Variants in DCLRE1C observed in about 807,000 individuals in gnomAD.
DCLRE1C encodes DNA cross-link repair 1C, also known as protein artemis.
Under a neutral mutation model 61.4 loss-of-function variants are expected in DCLRE1C, and 47 were observed. That is an observed-to-expected ratio of 0.77 (90% CI 0.61 to 0.98). The LOEUF (loss-of-function observed/expected upper bound fraction) is 0.98, where lower values mean the gene tolerates loss of function less well. Among genes scored for constraint, DCLRE1C ranks in the 50% least tolerant of loss-of-function variants. DCLRE1C has a pLI of 0.00. For missense variants in DCLRE1C, 858 were observed against 816.0 expected, an observed-to-expected ratio of 1.05 and a Z score of -0.63; for synonymous variants, 337 against 287.6, an observed-to-expected ratio of 1.17 and a Z score of -1.74.
intron 8 of DCLRE1C, 131 bp from the exon 9 acceptor site, chr10:14,933,086 G>C (rs1482333325): frequency 6.7e-6 from 7 of 1,043,018 alleles, no homozygotes; most frequent in Non-Finnish European, 1.0e-5. Flanking sequence ...AGTAGTTTTT[G>C]GCTATTCAGT....
In DCLRE1C at chr10:14,926,903, G is replaced by A. The variant is rs775978479; in HGVS notation, c.918-6C>T. The A allele has an allele frequency of 6.2e-7, 1 of 1,612,718 alleles. No individual in the cohort carries two copies. Among genetic ancestry groups the A allele is most frequent in the South Asian group, 1.1e-5 (1 of 91,026 alleles). On this transcript the variant is annotated splice_region_variant and splice_polypyrimidine_tract_variant and intron_variant, in intron 10 of 13. Transcript: ENST00000378278. ...TGTATGAACTCTCTCCAGTCCTAAA[G>A]GGAAGTGAAAACACAAAATAAAAAG...
At chr10:14,931,948 C>T (rs868725339) in intron 9 of DCLRE1C, among the ~76,000 whole-genome samples, 1 of 151,978 alleles carries the variant, frequency 6.6e-6, no homozygotes, top group Non-Finnish European at 1.5e-5. Flanking sequence ...GCAGGAGAAT[C>T]GCTTGAACTC....
In DCLRE1C at chr10:14,908,531, T is replaced by C. The variant is rs1834693289; in HGVS notation, c.1956A>G (p.Glu652=). The change falls in exon 14 of 14, where the codon GAA becomes GAG. Residue 652 remains glutamate, a synonymous_variant. Transcript: ENST00000378278. ...ACTCAGCTTCTGGAGTTGAGGGAAC[T>C]TCAAAATCAGAAGAGCTCTGGGAAT... ...NADSQSSSDF[E]VPSTPEAELP... 3 of 1,614,052 alleles carry C rather than the reference T, an allele frequency of 1.9e-6. No homozygotes were observed. The highest frequency in any genetic ancestry group is 1.3e-5 in the African/African-American group (1 of 74,924).
intron 9 of DCLRE1C, among the ~76,000 whole-genome samples, chr10:14,930,240 T>C (rs1310380349): frequency 6.7e-6 from 1 of 150,150 alleles, no homozygotes; most frequent in Non-Finnish European, 1.5e-5. Flanking sequence ...GCTTCGTAAG[T>C]ATCTGGGACT....
intron 11 of DCLRE1C, chr10:14,923,394 A>G (rs983645776): frequency 3.3e-6 from 1 of 301,314 alleles, no homozygotes; most frequent in African/African-American, 2.2e-5. Flanking sequence ...CTTTTTTAAT[A>G]TATTGCTTTC....
chr10:14,936,499 C>T, intron 5 of DCLRE1C, 39 bp downstream of exon 5: 1 of 1,514,080 alleles, frequency 6.6e-7, no homozygotes, highest in South Asian at 1.1e-5. Flanking sequence ...CAATATGTGT[C>T]TACATATAAT....
chr10:14,938,899 C>G (rs1840414596), intron 4 of DCLRE1C, among the ~76,000 whole-genome samples: 1 of 152,132 alleles, frequency 6.6e-6, no homozygotes, highest in South Asian at 2.1e-4. Flanking sequence ...AAGCCATGCC[C>G]AATCCTTTAC....
Position 14,908,979 on chromosome 10 carries a change from C to G in DCLRE1C, c.1508G>C (p.Ser503Thr). ...FKRNDEITDE[S>T]LENFPSSTVA... ...TGTGGAGGAAGGGAAGTTTTCCAAA[C>G]TCTCATCTGTGATTTCATCATTTCT... Residue 503 changes from serine (S) to threonine (T), a missense_variant, in exon 14 of 14, where the codon AGT becomes ACT. This residue lies in a region of DCLRE1C where 843 missense variants were observed against 783.5 expected (regional missense o/e 1.08). Transcript: ENST00000378278. The G allele has an allele frequency of 6.2e-7, 1 of 1,614,116 alleles. No homozygotes were observed.
intron 3 of DCLRE1C, among the ~76,000 whole-genome samples, chr10:14,941,376 C>T (rs12248235): frequency 0.03 from 4,553 of 152,132 alleles, 136 homozygotes; most frequent in African/African-American, 0.098. Flanking sequence ...CCTCAAACTT[C>T]GGGGCTCAAG....
Position 14,898,966 on chromosome 10 carries a change from T to C in DCLRE1C, c.*198A>G, listed in dbSNP as rs112297658. 3.1e-3 allele frequency: 1,466 copies of C among 466,286 alleles called. 22 individuals carry two copies. The highest frequency in any genetic ancestry group is 0.026 in the African/African-American group (1,320 of 51,604). 28.9% of individuals were successfully genotyped at this position (466,286 alleles called of 1,614,324 possible). A position where few individuals can be genotyped will look rare whatever the true frequency, so the allele number is the denominator to read the frequency against. ...TGTCCTGTAGAGAGCTATAGTTGTATAGCTTTTTGAACATCCTAATTATAA... is the reference window on the plus strand; with the variant it reads ...TGTCCTGTAGAGAGCTATAGTTGTACAGCTTTTTGAACATCCTAATTATAA... On this transcript the variant is annotated 3_prime_UTR_variant, in exon 14 of 14. Transcript: ENST00000378289.
intron 12 of DCLRE1C, chr10:14,920,359 T>C (rs890674554): frequency 1.9e-6 from 2 of 1,039,176 alleles, no homozygotes; most frequent in Non-Finnish European, 2.3e-6. Flanking sequence ...GGCAGAGAAA[T>C]AAGATTTGAA....
chr10:14,935,517 A>C lies in DCLRE1C; in HGVS notation c.410T>G (p.Phe137Cys). 1 of 1,614,128 alleles carries C rather than the reference A, an allele frequency of 6.2e-7. No homozygotes were observed. Among genetic ancestry groups the C allele is most frequent in the Non-Finnish European group, 8.5e-7 (1 of 1,179,996 alleles). Residue 137 changes from phenylalanine (F) to cysteine (C), a missense_variant, in exon 6 of 14, where the codon TTC becomes TGC. Physicochemically the swap from Phe to Cys is radical, Grantham distance 205. Around this residue, in one of 2 missense-constraint regions of DCLRE1C, gnomAD observed 843 missense variants for 783.5 expected, o/e 1.08. Coordinates refer to ENST00000378278, the MANE Select transcript of DCLRE1C (RefSeq NM_001033855.3). ...AGCAGCTTCTCCTTGCGCCAATCTG[A>C]AGTCTCCTGTGTACAGGACAGTTCC... is the stretch of plus-strand genomic sequence containing the variant. Reference protein sequence around the residue: ...NNGTVLYTGDFRLAQGEAARM... With the variant: ...NNGTVLYTGDCRLAQGEAARM...
In DCLRE1C at chr10:14,906,875, GTTTT is replaced by G. The variant is rs769010071; in HGVS notation, c.*1529_*1532del. ...CTCACAGAATAACACATATACTTTA[GTTTT>G]TTTTAATTTATTTTTCTTGAGATGG... On this transcript the variant is annotated 3_prime_UTR_variant, in exon 14 of 14. Transcript: ENST00000378278. 2.0e-5 allele frequency among the ~76,000 whole-genome samples: 3 copies of G among 152,088 alleles called. No homozygotes were observed. Among genetic ancestry groups the G allele is most frequent in the African/African-American group, 4.8e-5 (2 of 41,500 alleles).
chr10:14,943,251 C>T (rs1432317129), intron 3 of DCLRE1C, among the ~76,000 whole-genome samples: 2 of 152,166 alleles, frequency 1.3e-5, no homozygotes, highest in Non-Finnish European at 2.9e-5. Context: ...TTGTGGTTCT[C>T]CTCAGATCAA....
upstream of DCLRE1C, chr10:14,954,152 C>G: frequency 6.9e-7 from 1 of 1,443,352 alleles, no homozygotes; most frequent in South Asian, 1.2e-5. Context: ...CAGAGGAGTC[C>G]GGAGACCGGG....
intron 2 of DCLRE1C, chr10:14,945,481 A>G (rs951545592): frequency 1.5e-5 from 18 of 1,165,750 alleles, no homozygotes; most frequent in Non-Finnish European, 1.9e-5. Context: ...GTGGGGGTGG[A>G]AACACGGTGT....
At chr10:14,953,025 C>T (rs902542102) in intron 1 of DCLRE1C, among the ~76,000 whole-genome samples, 1 of 152,218 alleles carries the variant, frequency 6.6e-6, no homozygotes, top group African/African-American at 2.4e-5. Context: ...ATTGACTCCA[C>T]AGGGTAGTGG....
rs2131773687 is a variant in DCLRE1C at position 14,908,774 on chromosome 10, A to G, written c.1713T>C (p.Thr571=). 1.9e-6 allele frequency: 3 copies of G among 1,614,194 alleles called. No individual in the cohort carries two copies. Among genetic ancestry groups the G allele is most frequent in the Non-Finnish European group, 1.7e-6 (2 of 1,180,024 alleles). ...SSQERNSGDI[T]SLDKADYRPT... ...GTCTGTAGTCAGCTTTGTCCAAGGAAGTAATATCCCCACTGTTTCTCTCTT... is the reference window on the plus strand; with the variant it reads ...GTCTGTAGTCAGCTTTGTCCAAGGAGGTAATATCCCCACTGTTTCTCTCTT... The change falls in exon 14 of 14, where the codon ACT becomes ACC. Residue 571 remains threonine (T), a synonymous_variant. Coordinates refer to ENST00000378278, the MANE Select transcript of DCLRE1C (RefSeq NM_001033855.3).
intron 3 of DCLRE1C, among the ~76,000 whole-genome samples, chr10:14,940,948 T>C (rs946529076): frequency 3.3e-5 from 5 of 152,240 alleles, no homozygotes; most frequent in African/African-American, 7.2e-5. Context: ...AGTGGCACGA[T>C]CTCAGCTTGC....
Sources: gnomAD v4.1 joint callset for allele counts (sites outside exome capture counted in the v4.1 genomes callset) on GRCh38, gnomAD v4.1.1 for gene constraint, gnomAD v4.1.1 regional missense constraint, MANE v1.5 for transcripts, NCBI Gene and HGNC (gene_info 2026-07-23, HGNC 2026-07-21) for gene names.